The following RIMS3 variants were observed in gnomAD, a reference collection of about 807,000 sequenced individuals.
RIMS3 encodes regulating synaptic membrane exocytosis 3.
RIMS3 carries 15 observed loss-of-function variants against 29.2 expected under a neutral mutation model. That is an observed-to-expected ratio of 0.51 (90% confidence interval 0.34 to 0.79). RIMS3 has a LOEUF of 0.79. Among genes scored for constraint, RIMS3 ranks in the 30% least tolerant of loss-of-function variants. RIMS3 has a pLI of 0.01. For synonymous variants in RIMS3, 161 were observed against 170.1 expected, an observed-to-expected ratio of 0.95 and a Z score of 0.41; for missense variants, 342 against 421.4, an observed-to-expected ratio of 0.81 and a Z score of 1.65.
At position 40,622,062 on chromosome 1, in the gene RIMS3, CG is replaced by C. The variant is rs985110390; in HGVS notation, c.*4454del. 1.0e-4 allele frequency: 15 copies of C among 149,718 alleles called. No individual in the cohort carries two copies. Among genetic ancestry groups the C allele is most frequent in the East Asian group, 2.1e-4 (1 of 4,826 alleles). 9.3% of individuals were successfully genotyped at this position (149,718 alleles called of 1,614,324 possible). A position where few individuals can be genotyped will look rare whatever the true frequency, so the allele number is the denominator to read the frequency against. Reference sequence around the variant, plus strand: ...CCCACACAAGCCCAAGCTCAGGGTTCGGGGGGAGGGGAGGGAGGGAAAGTTG... The same window carrying C: ...CCCACACAAGCCCAAGCTCAGGGTTCGGGGGAGGGGAGGGAGGGAAAGTTG... On this transcript the variant is annotated 3_prime_UTR_variant, in exon 8 of 8. Coordinates refer to ENST00000372684, the MANE Select transcript of RIMS3 (RefSeq NM_014747.3).
At chr1:40,684,119 T>C in the RIMS3 span, among the ~76,000 whole-genome samples, 1 of 152,250 alleles carries the variant, frequency 6.6e-6, no homozygotes, top group Non-Finnish European at 1.5e-5. Flanking sequence ...GTCACCTGGA[T>C]GATTTTTTGA....
the RIMS3 span, among the ~76,000 whole-genome samples, chr1:40,687,215 G>A: frequency 2.6e-5 from 4 of 152,164 alleles, no homozygotes; most frequent in Admixed American, 2.0e-4. Flanking sequence ...AGCGTTTAAC[G>A]TATACAGAAT....
At position 40,621,400 on chromosome 1, in the gene RIMS3, A is replaced by G. The variant is rs1386200234; in HGVS notation, c.*5117T>C. On this transcript the variant is annotated 3_prime_UTR_variant, in exon 8 of 8. Coordinates refer to ENST00000372684, the MANE Select transcript of RIMS3 (RefSeq NM_014747.3). The stretch of plus-strand genomic sequence containing the variant: ...GGGAGGACAAACCACGAAGAGAGGA[A>G]AGCAGAGTCTGTTAGGATTCCCAGA... The G allele has an allele frequency of 6.6e-6, 1 of 152,220 alleles. No individual in the cohort carries two copies. The highest frequency in any genetic ancestry group is 1.5e-5 in the Non-Finnish European group (1 of 68,060). 9.4% of individuals were successfully genotyped at this position (152,220 alleles called of 1,614,324 possible). A position where few individuals can be genotyped will look rare whatever the true frequency, so the allele number is the denominator to read the frequency against.
At chr1:40,642,854 G>T (rs1646567498) in intron 2 of RIMS3, among the ~76,000 whole-genome samples, 1 of 104,746 alleles carries the variant, frequency 9.5e-6, no homozygotes, top group South Asian at 2.9e-4. Context: ...TACTCAGGAG[G>T]CTGAGGCAGG....
At chr1:40,663,265 G>C (rs1169298040) in intron 1 of RIMS3, among the ~76,000 whole-genome samples, 1 of 152,118 alleles carries the variant, frequency 6.6e-6, no homozygotes, top group Non-Finnish European at 1.5e-5. Context: ...TCAGCAAAAG[G>C]CCAATGTGAG....
At chr1:40,640,210 T>G (rs989697904) in intron 3 of RIMS3, among the ~76,000 whole-genome samples, 2 of 152,086 alleles carry the variant, frequency 1.3e-5, no homozygotes, top group South Asian at 2.1e-4. Context: ...CTTAGTCCTA[T>G]CTCAGCCCCT....
In RIMS3 at chr1:40,626,529, G is replaced by A; in HGVS notation, c.915C>T (p.Pro305=). 6.2e-7 allele frequency: 1 copy of A among 1,608,038 alleles called. No individual in the cohort carries two copies. The highest frequency in any genetic ancestry group is 8.5e-7 in the Non-Finnish European group (1 of 1,177,156). Residue 305 remains proline, a synonymous_variant, in exon 8 of 8, where the codon CCC becomes CCT. Transcript: ENST00000372684. ...SQSSLESATS[P]SCS ...CTTCCTGACATCCTTAAGAGCATGAGGGGCTGGTGGCACTCTCCAGGGAAG... is the reference window on the plus strand; with the variant it reads ...CTTCCTGACATCCTTAAGAGCATGAAGGGCTGGTGGCACTCTCCAGGGAAG...
chr1:40,649,797 C>T (rs983910094), intron 1 of RIMS3, among the ~76,000 whole-genome samples: 2 of 152,144 alleles, frequency 1.3e-5, no homozygotes, highest in Admixed American at 1.3e-4. Flanking sequence ...TCAGCCTGGG[C>T]AAGGCAGGGA....
At chr1:40,651,821 C>T (rs140309582) in intron 1 of RIMS3, among the ~76,000 whole-genome samples, 115 of 152,286 alleles carry the variant, frequency 7.6e-4, no homozygotes, top group Non-Finnish European at 1.6e-4. Flanking sequence ...ACTTAAGAAA[C>T]TGTATTAATG....
intron 5 of RIMS3, among the ~76,000 whole-genome samples, chr1:40,630,873 G>A (rs959631723): frequency 2.0e-5 from 3 of 152,196 alleles, no homozygotes; most frequent in African/African-American, 7.2e-5. Context: ...ATTGGATTTG[G>A]CTAATTCCCA....
At position 40,622,174 on chromosome 1, in the gene RIMS3, A is replaced by C. The variant is rs1557658990; in HGVS notation, c.*4343T>G. The stretch of plus-strand genomic sequence containing the variant: ...CCAACATCTGAGCCACGTTTGTGCA[A>C]CTCAGCCATCAGAGTTGGTGCCCAA... On this transcript the variant is annotated 3_prime_UTR_variant, in exon 8 of 8. Coordinates refer to ENST00000372684, the MANE Select transcript of RIMS3 (RefSeq NM_014747.3). The C allele has an allele frequency of 6.6e-6, 1 of 152,588 alleles. No homozygotes were observed. The highest frequency in any genetic ancestry group is 1.9e-4 in the East Asian group (1 of 5,178). The allele number at this position is 152,588 out of a possible 1,614,324, so 9.5% of individuals were successfully genotyped here. A position where few individuals can be genotyped will look rare whatever the true frequency, so the allele number is the denominator to read the frequency against.
At chr1:40,659,538 C>T (rs1304248241) in intron 1 of RIMS3, among the ~76,000 whole-genome samples, 2 of 152,186 alleles carry the variant, frequency 1.3e-5, no homozygotes, top group Non-Finnish European at 2.9e-5. Flanking sequence ...TAACAGCTCA[C>T]TGTGTACCTA....
At chr1:40,690,000 G>C in the RIMS3 span, among the ~76,000 whole-genome samples, 1 of 152,182 alleles carries the variant, frequency 6.6e-6, no homozygotes, top group Admixed American at 6.5e-5. Flanking sequence ...ACTACTTGTT[G>C]TTAAATATAC....
chr1:40,627,684 C>T (rs1188223057), intron 7 of RIMS3, among the ~76,000 whole-genome samples: 1 of 152,138 alleles, frequency 6.6e-6, no homozygotes, highest in Non-Finnish European at 1.5e-5. Flanking sequence ...TCACTGCAGC[C>T]TTGACCTCCT....
At chr1:40,642,955 CAA>C (rs60193626) in intron 2 of RIMS3, among the ~76,000 whole-genome samples, 41,985 of 143,940 alleles carry the variant, frequency 0.29, 6,397 homozygotes, top group Middle Eastern at 0.39. Context: ...GACTCTGTCT[CAA>C]AAAAAAAAAA....
At chr1:40,691,570 A>C in the RIMS3 span, 1 of 325,188 alleles carries the variant, frequency 3.1e-6, no homozygotes, top group Non-Finnish European at 6.2e-6. Context: ...TAAAACTCTC[A>C]GATCTCATTC....
intron 3 of RIMS3, among the ~76,000 whole-genome samples, chr1:40,640,096 C>T (rs537026016): frequency 6.6e-6 from 1 of 152,160 alleles, no homozygotes; most frequent in African/African-American, 2.4e-5. Flanking sequence ...CATGAAGAAG[C>T]CTTTGGGTCT....
intron 3 of RIMS3, among the ~76,000 whole-genome samples, chr1:40,640,752 G>C (rs1413628016): frequency 6.6e-6 from 1 of 152,242 alleles, no homozygotes; most frequent in Non-Finnish European, 1.5e-5. Context: ...CTGAGATTCT[G>C]CAGCTAGGTG....
chr1:40,680,168 A>G, the RIMS3 span, among the ~76,000 whole-genome samples: 1 of 151,936 alleles, frequency 6.6e-6, no homozygotes, highest in Non-Finnish European at 1.5e-5. Context: ...AAAAACCAAC[A>G]ACAAAAACAA....
Sources: allele counts gnomAD v4.1 joint callset (sites outside exome capture counted in the v4.1 genomes callset), GRCh38; gene constraint gnomAD v4.1.1; transcripts MANE v1.5; gene names NCBI Gene and HGNC (gene_info 2026-07-23, HGNC 2026-07-21).